The following BMPR1B variants were observed in gnomAD, a reference collection of about 807,000 sequenced individuals.
BMPR1B encodes bone morphogenetic protein receptor type-1B.
Under a neutral mutation model 59.1 loss-of-function variants are expected in BMPR1B, and 12 were observed. The ratio of observed to expected loss-of-function variants is 0.20; its 90% CI spans 0.13 to 0.33. The LOEUF (loss-of-function observed/expected upper bound fraction) is 0.33. Among genes scored for constraint, BMPR1B ranks in the 10% least tolerant of loss-of-function variants. The pLI is 1.00. For missense variants in BMPR1B, 550 were observed against 610.9 expected (o/e 0.90, Z 1.05); for synonymous variants, 237 against 207.3 (o/e 1.14, Z -1.23).
chr4:94,774,726 A>AT (rs1333800894), intron 1 of BMPR1B, among the ~76,000 whole-genome samples: 1 of 152,050 alleles, frequency 6.6e-6, no homozygotes, highest in Non-Finnish European at 1.5e-5. Flanking sequence ...TCAATTTCTA[A>AT]TTACTGATTT....
At chr4:94,870,549 C>G (rs1213972681) in intron 1 of BMPR1B, among the ~76,000 whole-genome samples, 2 of 152,134 alleles carry the variant, frequency 1.3e-5, no homozygotes, top group Non-Finnish European at 2.9e-5. Context: ...TCCCTCAGTC[C>G]TCTTGCTCAT....
intron 2 of BMPR1B, among the ~76,000 whole-genome samples, chr4:94,932,200 A>C (rs1162050249): frequency 2.0e-5 from 3 of 152,176 alleles, no homozygotes; most frequent in Non-Finnish European, 2.9e-5. Flanking sequence ...TGCAAAATTC[A>C]AGTGACTGCC....
intron 10 of BMPR1B, among the ~76,000 whole-genome samples, chr4:95,135,036 G>C (rs1416407825): frequency 6.6e-6 from 1 of 152,148 alleles, no homozygotes; most frequent in Non-Finnish European, 1.5e-5. Context: ...ATTAATTTTT[G>C]TATAAGGTGT....
At chr4:94,771,819 C>T (rs1388662282) in intron 1 of BMPR1B, among the ~76,000 whole-genome samples, 6 of 152,160 alleles carry the variant, frequency 3.9e-5, no homozygotes, top group Admixed American at 1.3e-4. Context: ...AACTTGCTAA[C>T]GGTAGAGGGA....
At chr4:95,039,779 G>C (rs1725521872) in intron 3 of BMPR1B, among the ~76,000 whole-genome samples, 1 of 151,904 alleles carries the variant, frequency 6.6e-6, no homozygotes, top group African/African-American at 2.4e-5. Context: ...ATTTTTTTTA[G>C]CTCATCAGTG....
intron 2 of BMPR1B, among the ~76,000 whole-genome samples, chr4:94,882,704 A>G (rs1727021981): frequency 6.6e-6 from 1 of 152,204 alleles, no homozygotes; most frequent in African/African-American, 2.4e-5. Context: ...TGAAAGATAC[A>G]GTGTTTGTGA....
chr4:94,870,718 T>G (rs529406414), intron 1 of BMPR1B, among the ~76,000 whole-genome samples: 1 of 152,294 alleles, frequency 6.6e-6, no homozygotes, highest in Admixed American at 6.5e-5. Context: ...TCAGCAAAAA[T>G]TAGCCTCTAT....
At chr4:95,099,178 T>A (rs990880122) in intron 3 of BMPR1B, among the ~76,000 whole-genome samples, 2 of 152,194 alleles carry the variant, frequency 1.3e-5, no homozygotes, top group East Asian at 3.9e-4. Context: ...CAAGCCGTAG[T>A]CATTGATCCA....
chr4:95,109,275 T>G (rs1269484412), intron 4 of BMPR1B, among the ~76,000 whole-genome samples: 1 of 152,130 alleles, frequency 6.6e-6, no homozygotes. Flanking sequence ...TAAATCAAAT[T>G]GAATGTTTGC....
At chr4:95,132,226 G>A (rs756660364) in intron 10 of BMPR1B, among the ~76,000 whole-genome samples, 3 of 152,194 alleles carry the variant, frequency 2.0e-5, no homozygotes, top group Non-Finnish European at 4.4e-5. Context: ...AACCACTGGT[G>A]TAGAGAAATC....
chr4:95,069,675 G>A (rs1248598388), intron 3 of BMPR1B, among the ~76,000 whole-genome samples: 3 of 152,156 alleles, frequency 2.0e-5, no homozygotes, highest in Non-Finnish European at 4.4e-5. Flanking sequence ...TCCATTGACT[G>A]TGAGCTGTGA....
intron 3 of BMPR1B, among the ~76,000 whole-genome samples, chr4:95,058,618 G>A (rs900969829): frequency 1.3e-5 from 2 of 152,084 alleles, no homozygotes; most frequent in African/African-American, 4.8e-5. Context: ...CTATGCCAAG[G>A]CCAATAGCAC....
At position 94,923,691 on chromosome 4, in the gene BMPR1B, T is replaced by C. The variant is rs144026655; in HGVS notation, c.-113+47791T>C. Among the ~76,000 whole-genome samples, 1,104 of 152,258 alleles carry C rather than the reference T, an allele frequency of 7.3e-3. 9 individuals are homozygous for C. The highest frequency in any genetic ancestry group is 0.025 in the African/African-American group (1,055 of 41,568). Reference sequence around the variant, plus strand: ...ATTTCCAGAAGCTGTTTTTGTAGAATAGATAAAATCAGATGTGTTCTTGTT... The same window carrying C: ...ATTTCCAGAAGCTGTTTTTGTAGAACAGATAAAATCAGATGTGTTCTTGTT... On this transcript the variant is annotated intron_variant, in intron 2 of 12. Transcript: ENST00000515059.
chr4:95,106,662 A>G (rs940869281), intron 4 of BMPR1B, among the ~76,000 whole-genome samples: 1 of 152,062 alleles, frequency 6.6e-6, no homozygotes, highest in African/African-American at 2.4e-5. Flanking sequence ...ATTTTTATGT[A>G]TCTGAGTAGA....
chr4:95,095,872 AT>A (rs1198691737), intron 3 of BMPR1B, among the ~76,000 whole-genome samples: 1 of 151,846 alleles, frequency 6.6e-6, no homozygotes, highest in Non-Finnish European at 1.5e-5. Flanking sequence ...CAAATTAAAA[AT>A]TTTTTATTTA....
At chr4:94,913,509 AT>A (rs1216406142) in intron 2 of BMPR1B, among the ~76,000 whole-genome samples, 1 of 152,218 alleles carries the variant, frequency 6.6e-6, no homozygotes, top group Non-Finnish European at 1.5e-5. Flanking sequence ...TGATTTAAAT[AT>A]CTAAACTTTG....
chr4:94,901,704 A>G (rs890151486), intron 2 of BMPR1B, among the ~76,000 whole-genome samples: 1 of 152,000 alleles, frequency 6.6e-6, no homozygotes, highest in African/African-American at 2.4e-5. Flanking sequence ...GATATCTCCA[A>G]AGTTGGCCTG....
intron 1 of BMPR1B, among the ~76,000 whole-genome samples, chr4:94,810,570 TCACA>T (rs1020632759): frequency 1.3e-5 from 2 of 152,192 alleles, no homozygotes; most frequent in Non-Finnish European, 2.9e-5. Context: ...AAACATTTCA[TCACA>T]CAGACAAAGC....
intron 1 of BMPR1B, among the ~76,000 whole-genome samples, chr4:94,868,369 A>T (rs1726333826): frequency 6.6e-6 from 1 of 151,530 alleles, no homozygotes; most frequent in African/African-American, 2.4e-5. Flanking sequence ...ACGGGATTTC[A>T]CCATATTGAC....
Sources: allele counts gnomAD v4.1 joint callset (sites outside exome capture counted in the v4.1 genomes callset), GRCh38; gene constraint gnomAD v4.1.1; transcripts MANE v1.5; gene names NCBI Gene and HGNC (gene_info 2026-07-23, HGNC 2026-07-21).